Variants in LRRK2 observed in about 807,000 individuals in gnomAD.
LRRK2 encodes the protein leucine rich repeat kinase 2, also known as leucine-rich repeat serine/threonine-protein kinase 2.
LRRK2 carries 203 observed loss-of-function variants against 302.6 expected under a neutral mutation model. The ratio of observed to expected loss-of-function variants is 0.67; its 90% confidence interval spans 0.60 to 0.75. LRRK2 has a LOEUF of 0.75. LRRK2 is among the 30% of genes least tolerant of loss of function. LRRK2 has a pLI of 0.00. For missense variants in LRRK2, 2,830 were observed against 2,951.0 expected, an observed-to-expected ratio of 0.96 and a Z score of 0.95; for synonymous variants, 1,066 against 1,031.9, an observed-to-expected ratio of 1.03 and a Z score of -0.63.
At chr12:40,287,034 C>T (rs1404741949) in intron 19 of LRRK2, among the ~76,000 whole-genome samples, 1 of 151,990 alleles carries the variant, frequency 6.6e-6, no homozygotes, top group Non-Finnish European at 1.5e-5. Context: ...TCATATAACT[C>T]ACAAATGGCA....
intron 38 of LRRK2, among the ~76,000 whole-genome samples, chr12:40,323,847 G>A (rs564081585): frequency 4.6e-4 from 68 of 148,542 alleles, no homozygotes; most frequent in Admixed American, 2.1e-3. Flanking sequence ...TCTTGGTTCC[G>A]TGAATTCAAT....
intron 12 of LRRK2, among the ~76,000 whole-genome samples, chr12:40,258,625 G>A (rs929872935): frequency 2.6e-5 from 4 of 152,216 alleles, no homozygotes; most frequent in South Asian, 2.1e-4. Flanking sequence ...CATGTGAGTC[G>A]AGAGACTGAT....
At chr12:40,261,567 T>C (rs2136530680) in intron 13 of LRRK2, among the ~76,000 whole-genome samples, 1 of 152,254 alleles carries the variant, frequency 6.6e-6, no homozygotes, top group South Asian at 2.1e-4. Flanking sequence ...TATGCTAACA[T>C]ATTATACTAC....
intron 20 of LRRK2, among the ~76,000 whole-genome samples, chr12:40,288,928 CA>C (rs747306233): frequency 8.6e-5 from 13 of 151,640 alleles, no homozygotes; most frequent in Non-Finnish European, 1.2e-4. Flanking sequence ...TGCAGTTTTC[CA>C]GTTTTTTTCT....
At position 40,274,957 on chromosome 12, in the gene LRRK2, A is replaced by C; in HGVS notation, c.1905A>C (p.Leu635Phe). The part of the protein sequence containing the change: ...HLLAKILVSS[L>F]YRFKDVAEIQ... ...TGGCAAAAATTCTGGTTTCCAGCTT[A>C]TACCGATTTAAGGATGTTGCTGAAA... The change falls in exon 16 of 51, where the codon TTA (leucine) becomes TTC (phenylalanine). Residue 635 changes from leucine to phenylalanine, a missense_variant. By Grantham distance (22) the Leu-to-Phe change is conservative. This residue lies in a region of LRRK2 where 2,121 missense variants were observed against 2,148.0 expected (regional missense o/e 0.99). Coordinates refer to ENST00000298910, the MANE Select transcript of LRRK2 (RefSeq NM_198578.4). 1 of 1,614,018 alleles carries C rather than the reference A, an allele frequency of 6.2e-7. No homozygotes were observed. Among genetic ancestry groups the C allele is most frequent in the South Asian group, 1.1e-5 (1 of 91,084 alleles).
Position 40,309,229 on chromosome 12 carries a change from T to C in LRRK2, c.4313T>C (p.Ile1438Thr). 6.2e-7 allele frequency: 1 copy of C among 1,613,496 alleles called. No homozygotes were observed. The highest frequency in any genetic ancestry group is 8.5e-7 in the Non-Finnish European group (1 of 1,179,756). The change falls in exon 30 of 51, where the codon ATA becomes ACA. Residue 1438 changes from isoleucine (I) to threonine (T), a missense_variant. Transcript: ENST00000298910. ...GCCATGAAGCCTTGGCTCTTCAATATAAAGGTGATTTGTTCTGATCATTTG... is the reference window on the plus strand; with the variant it reads ...GCCATGAAGCCTTGGCTCTTCAATACAAAGGTGATTTGTTCTGATCATTTG... ...VDAMKPWLFN[I>T]KARASSSPVI...
chr12:40,242,949 T>C (rs1941804078), intron 6 of LRRK2, among the ~76,000 whole-genome samples: 1 of 150,418 alleles, frequency 6.6e-6, no homozygotes, highest in South Asian at 2.1e-4. Context: ...AGATAAAACT[T>C]TAAGCACTTT....
At position 40,243,550 on chromosome 12, in the gene LRRK2, G is replaced by T; in HGVS notation, c.707G>T (p.Cys236Phe). The change falls in exon 7 of 51, where the codon TGC becomes TTC. Residue 236 changes from cysteine (C) to phenylalanine (F), a missense_variant and splice_region_variant. Transcript: ENST00000298910. ...LHCLHSLAIP[C>F]NNVEVLMSGN... Reference sequence around the variant, plus strand: ...ATAATTATGATCTCTTTAAATTCAGGCAATAATGTGGAAGTCCTCATGAGT... The same window carrying T: ...ATAATTATGATCTCTTTAAATTCAGTCAATAATGTGGAAGTCCTCATGAGT... 6.2e-7 allele frequency: 1 copy of T among 1,610,830 alleles called. No homozygotes were observed. Among genetic ancestry groups the T allele is most frequent in the Non-Finnish European group, 8.5e-7 (1 of 1,177,772 alleles).
intron 16 of LRRK2, among the ~76,000 whole-genome samples, chr12:40,275,350 T>A (rs1212225922): frequency 6.6e-6 from 1 of 152,198 alleles, no homozygotes; most frequent in Non-Finnish European, 1.5e-5. Flanking sequence ...TGCAGGTTGC[T>A]TACCTTTAGT....
intron 13 of LRRK2, among the ~76,000 whole-genome samples, chr12:40,262,067 G>A (rs961927495): frequency 1.3e-4 from 20 of 152,168 alleles, no homozygotes; most frequent in Middle Eastern, 3.4e-3. Context: ...AAGGGATATA[G>A]GCAAATTGGG....
At position 40,225,062 on chromosome 12, in the gene LRRK2, C is replaced by A. The variant is rs1940794914; in HGVS notation, c.-70C>A. 2 of 1,595,042 alleles carry A rather than the reference C, an allele frequency of 1.3e-6. No individual in the cohort carries two copies. Among genetic ancestry groups the A allele is most frequent in the African/African-American group, 1.3e-5 (1 of 74,610 alleles). On this transcript the variant is annotated 5_prime_UTR_variant, in exon 1 of 51. Coordinates refer to ENST00000298910, the MANE Select transcript of LRRK2 (RefSeq NM_198578.4). Reference sequence around the variant, plus strand: ...CTCGCCCCCGGGGAGCTGTGGCCGGCGCCCCTGCCGGTTCCCTGAGCAGCG... The same window carrying A: ...CTCGCCCCCGGGGAGCTGTGGCCGGAGCCCCTGCCGGTTCCCTGAGCAGCG...
intron 28 of LRRK2, among the ~76,000 whole-genome samples, chr12:40,307,928 C>T (rs1944887227): frequency 1.3e-5 from 2 of 151,686 alleles, no homozygotes; most frequent in East Asian, 1.9e-4. Context: ...ATTACAGGCA[C>T]CTGCCACTGT....
chr12:40,363,310 T>TCACA, intron 47 of LRRK2, 92 bp from the exon 48 acceptor site: 1 of 623,350 alleles, frequency 1.6e-6, no homozygotes, highest in Non-Finnish European at 2.3e-6. Flanking sequence ...AATAGTGTTT[T>TCACA]TACATTAAGA....
chr12:40,243,713 C>A, intron 7 of LRRK2, 32 bp downstream of exon 7: 1 of 1,587,158 alleles, frequency 6.3e-7, no homozygotes, highest in South Asian at 1.1e-5. Context: ...TCATCACACA[C>A]TGTATGATAT....
chr12:40,331,136 T>C (rs1592298558), intron 39 of LRRK2, among the ~76,000 whole-genome samples: 1 of 152,230 alleles, frequency 6.6e-6, no homozygotes, highest in East Asian at 1.9e-4. Flanking sequence ...GTTTTCCAAA[T>C]TGAGTAGTTT....
intron 14 of LRRK2, among the ~76,000 whole-genome samples, chr12:40,272,486 T>C (rs1943273464): frequency 6.6e-6 from 1 of 152,140 alleles, no homozygotes; most frequent in South Asian, 2.1e-4. Flanking sequence ...ATTAAGTAGG[T>C]GAATACATAT....
intron 38 of LRRK2, among the ~76,000 whole-genome samples, chr12:40,326,328 G>C (rs1945547467): frequency 6.6e-6 from 1 of 151,864 alleles, no homozygotes; most frequent in Non-Finnish European, 1.5e-5. Flanking sequence ...GCCAGGCGTG[G>C]TGGTGTGGGC....
intron 40 of LRRK2, among the ~76,000 whole-genome samples, chr12:40,335,966 T>C (rs1008285169): frequency 6.6e-6 from 1 of 152,150 alleles, no homozygotes. Context: ...TTCTAACAAT[T>C]TCTCTCACTA....
In LRRK2 at chr12:40,335,074, G is replaced by A. The variant is rs1419015672; in HGVS notation, c.5865G>A (p.Leu1955=). The A allele has an allele frequency of 1.9e-6, 3 of 1,614,086 alleles. No homozygotes were observed. In the South Asian group the frequency reaches 3.3e-5, roughly 18 times the overall value. Residue 1955 remains leucine (L), a synonymous_variant, in exon 40 of 51, where the codon TTG becomes TTA. Coordinates refer to ENST00000298910, the MANE Select transcript of LRRK2 (RefSeq NM_198578.4). ...TGGAGTTAGCCTCCAAGGGTTCCTT[G>A]GATCGCCTGCTTCAGCAGGACAAAG... The part of the protein sequence containing the change: ...LVMELASKGS[L]DRLLQQDKAS...
Sources: gnomAD v4.1 joint callset for allele counts (sites outside exome capture counted in the v4.1 genomes callset) on GRCh38, gnomAD v4.1.1 for gene constraint, gnomAD v4.1.1 regional missense constraint, MANE v1.5 for transcripts, NCBI Gene and HGNC (gene_info 2026-07-23, HGNC 2026-07-21) for gene names.